PRSS23: variants seen among roughly 807,000 people sequenced by gnomAD.
PRSS23 encodes serine protease 23, also known as protease, serine 23.
In PRSS23, 25 loss-of-function variants were observed where a neutral mutation model predicts 34.7. The observed-to-expected ratio is 0.72, with a 90% confidence interval of 0.53 to 1.01. PRSS23 has a LOEUF of 1.01. PRSS23 is among the 50% of genes least tolerant of loss of function. The pLI is 0.00. For missense variants in PRSS23, 445 were observed against 475.6 expected, an observed-to-expected ratio of 0.94 and a Z score of 0.60; for synonymous variants, 176 against 186.6, an observed-to-expected ratio of 0.94 and a Z score of 0.46.
At chr11:86,833,082 G>A (rs1276755166) in intron 2 of PRSS23, 5 of 590,478 alleles carry the variant, frequency 8.5e-6, no homozygotes, top group Non-Finnish European at 1.6e-5. Flanking sequence ...GTGACAGATG[G>A]CTACAAACCG....
chr11:86,878,252 C>CGTCTCCCTCTCCCTCATCTCA (rs1948739346), intron 2 of PRSS23, among the ~76,000 whole-genome samples: 1 of 147,080 alleles, frequency 6.8e-6, no homozygotes, highest in Non-Finnish European at 1.5e-5. Flanking sequence ...CCCTCATCTC[C>CGTCTCCCTCTCCCTCATCTCA]GTCTCCCTCT....
chr11:86,796,698 GGC>G (rs1449841044), upstream of PRSS23, among the ~76,000 whole-genome samples: 1 of 150,718 alleles, frequency 6.6e-6, no homozygotes, highest in Non-Finnish European at 1.5e-5. Context: ...CACAGTACCT[GGC>G]ATATAGTATG....
chr11:86,921,285 G>A (rs114944735), intron 2 of PRSS23: 3 of 152,048 alleles, frequency 2.0e-5, no homozygotes, highest in Non-Finnish European at 2.9e-5. Context: ...TCTGCTTCTC[G>A]CTAGATTGAG....
intron 2 of PRSS23, chr11:86,910,676 T>C (rs145234521): frequency 2.5e-3 from 376 of 152,300 alleles, no homozygotes; most frequent in African/African-American, 8.8e-3. Context: ...AAATATTCTC[T>C]CTCTCAGACA....
Position 86,808,698 on chromosome 11 carries a change from C to G in PRSS23, c.1055C>G (p.Pro352Arg). 6.2e-7 allele frequency: 1 copy of G among 1,614,104 alleles called. No homozygotes were observed. Among genetic ancestry groups the G allele is most frequent in the Non-Finnish European group, 8.5e-7 (1 of 1,180,014 alleles). ...GHQWVDMNGSPQDFNVAVRIT... is the reference protein window; with the variant it reads ...GHQWVDMNGSRQDFNVAVRIT... Reference sequence around the variant, plus strand: ...CAGTGGGTGGACATGAATGGTTCCCCACAGGATTTCAACGTGGCTGTCAGA... The same window carrying G: ...CAGTGGGTGGACATGAATGGTTCCCGACAGGATTTCAACGTGGCTGTCAGA... Residue 352 changes from proline (P) to arginine (R), a missense_variant, in exon 2 of 2, where the codon CCA becomes CGA. Pro to Arg is a moderately radical substitution (Grantham distance 103, BLOSUM62 -2). Coordinates refer to ENST00000280258, the MANE Select transcript of PRSS23 (RefSeq NM_007173.6).
Position 86,808,019 on chromosome 11 carries a change from A to G in PRSS23, c.376A>G (p.Arg126Gly), listed in dbSNP as rs1342904093. The G allele has an allele frequency of 6.2e-7, 1 of 1,613,804 alleles. No homozygotes were observed. Among genetic ancestry groups the G allele is most frequent in the Non-Finnish European group, 8.5e-7 (1 of 1,179,998 alleles). ...RDSGSSGKSR[R>G]KRQIYGYDSR... Reference sequence around the variant, plus strand: ...CTCAGGGTCTTCAGGAAAGTCTCGAAGGAAGCGGCAGATTTATGGCTATGA... The same window carrying G: ...CTCAGGGTCTTCAGGAAAGTCTCGAGGGAAGCGGCAGATTTATGGCTATGA... The change falls in exon 2 of 2, where the codon AGG becomes GGG. Residue 126 changes from arginine to glycine, a missense_variant. Arg to Gly is a moderately radical substitution (Grantham distance 125). Transcript: ENST00000280258.
intron 2 of PRSS23, chr11:86,949,984 ATGCTTT>A (rs2135037830): frequency 6.6e-6 from 1 of 152,472 alleles, no homozygotes; most frequent in South Asian, 2.1e-4. Context: ...TAACATTCTT[ATGCTTT>A]AAAAAATAAA....
chr11:86,827,285 A>T (rs1244385203), intron 2 of PRSS23, among the ~76,000 whole-genome samples: 1 of 151,922 alleles, frequency 6.6e-6, no homozygotes, highest in Non-Finnish European at 1.5e-5. Context: ...TTGCGTAGAG[A>T]TGTTTGTAGT....
intron 1 of PRSS23, among the ~76,000 whole-genome samples, chr11:86,795,340 C>G (rs1371340037): frequency 2.6e-5 from 4 of 152,138 alleles, no homozygotes; most frequent in Non-Finnish European, 5.9e-5. Flanking sequence ...TACAACACCC[C>G]TAAATCAGTC....
At chr11:86,952,724 T>C (rs1239423680) in exon 3 of PRSS23, 3 of 399,288 alleles carry the variant, frequency 7.5e-6, no homozygotes, top group Non-Finnish European at 1.4e-5. Context: ...ATAAAATAAA[T>C]AGGGTCTGAA....
chr11:86,930,562 C>T (rs964384532), intron 2 of PRSS23, among the ~76,000 whole-genome samples: 3 of 152,062 alleles, frequency 2.0e-5, no homozygotes, highest in African/African-American at 4.8e-5. Context: ...GAGGCCGAGG[C>T]GGGCGGATCA....
intron 1 of PRSS23, among the ~76,000 whole-genome samples, chr11:86,793,932 A>G (rs1427591968): frequency 1.3e-5 from 2 of 152,156 alleles, no homozygotes; most frequent in Non-Finnish European, 2.9e-5. Flanking sequence ...CAACCCTCTA[A>G]AAAACATAAG....
At chr11:86,813,894 G>A (rs375788886), downstream of PRSS23, among the ~76,000 whole-genome samples, 3 of 152,146 alleles carry the variant, frequency 2.0e-5, no homozygotes, top group African/African-American at 7.2e-5. Flanking sequence ...AAATGGCAGT[G>A]ACTTTGACTT....
chr11:86,933,284 T>C (rs755735005), intron 2 of PRSS23: 1 of 152,194 alleles, frequency 6.6e-6, no homozygotes, highest in Non-Finnish European at 1.5e-5. Context: ...TTTCCTTCCA[T>C]TTATGTTCTC....
intron 2 of PRSS23, among the ~76,000 whole-genome samples, chr11:86,917,958 A>T (rs1949024632): frequency 6.6e-6 from 1 of 152,224 alleles, no homozygotes; most frequent in South Asian, 2.1e-4. Flanking sequence ...GCAGAAACAA[A>T]TTATTTCAAT....
intron 2 of PRSS23, among the ~76,000 whole-genome samples, chr11:86,867,840 G>A (rs1357884012): frequency 7.0e-6 from 1 of 142,028 alleles, no homozygotes; most frequent in Non-Finnish European, 1.5e-5. Context: ...TTGTGCCACT[G>A]CACTCCAGCC....
chr11:86,873,859 T>C (rs567694118), intron 2 of PRSS23, among the ~76,000 whole-genome samples: 4 of 152,214 alleles, frequency 2.6e-5, no homozygotes, highest in African/African-American at 9.6e-5. Context: ...GTGGAAGCAT[T>C]TGAGTTCCTG....
At chr11:86,923,907 G>A (rs1212944939) in intron 2 of PRSS23, among the ~76,000 whole-genome samples, 1 of 152,136 alleles carries the variant, frequency 6.6e-6, no homozygotes, top group East Asian at 1.9e-4. Context: ...AGTCAATGTG[G>A]GTGCTTTGGC....
intron 2 of PRSS23, among the ~76,000 whole-genome samples, chr11:86,895,618 C>T (rs1274131623): frequency 2.0e-5 from 3 of 151,336 alleles, no homozygotes. Flanking sequence ...TAGCTGGGAC[C>T]ACAAGCACAT....
Sources: gnomAD v4.1 joint callset for allele counts (sites outside exome capture counted in the v4.1 genomes callset) on GRCh38, gnomAD v4.1.1 for gene constraint, MANE v1.5 for transcripts, NCBI Gene and HGNC (gene_info 2026-07-23, HGNC 2026-07-21) for gene names.